Variants in GRK5 observed in about 807,000 individuals in gnomAD.
The protein encoded by GRK5 is G protein-coupled receptor kinase 5.
A neutral mutation model predicts 78.4 loss-of-function variants in GRK5; 40 were observed. The ratio of observed to expected loss-of-function variants is 0.51; its 90% CI spans 0.40 to 0.66. GRK5 has a LOEUF of 0.66. Among genes scored for constraint, GRK5 ranks in the 30% least tolerant of loss-of-function variants. The pLI, the probability that GRK5 is intolerant of heterozygous loss-of-function variation, is 0.00. For synonymous variants in GRK5, 289 were observed against 296.8 expected (o/e 0.97, Z 0.27); for missense variants, 598 against 759.9 (o/e 0.79, Z 2.50).
intron 1 of GRK5, among the ~76,000 whole-genome samples, chr10:119,291,837 A>G (rs528330088): frequency 9.8e-6 from 1 of 102,320 alleles, no homozygotes; most frequent in South Asian, 3.2e-4. Context: ...TCTCCTCTTT[A>G]TCCTCATTCT....
Position 119,452,839 on chromosome 10 carries a change from G to C in GRK5, c.1542+31G>C, listed in dbSNP as rs1199598164. On this transcript the variant is annotated intron_variant, in intron 14 of 15. Transcript: ENST00000392870. The surrounding 1 kb of genome is among the most constrained non-coding windows in gnomAD (Gnocchi z 4.4). ...CAGGGCAGACCACTTGCTTTGGTCT[G>C]GGTGGGAGGGAGGGACTGACGGGTG... 1.2e-6 allele frequency: 2 copies of C among 1,601,226 alleles called. No homozygotes were observed. The highest frequency in any genetic ancestry group is 2.7e-5 in the African/African-American group (2 of 74,738).
chr10:119,343,860 G>C (rs1167890271), intron 2 of GRK5, among the ~76,000 whole-genome samples: 3 of 152,146 alleles, frequency 2.0e-5, no homozygotes, highest in Admixed American at 6.5e-5. Flanking sequence ...GGGCTTCCAG[G>C]CTATATGAGA....
At chr10:119,250,428 C>CT (rs1849180832) in intron 1 of GRK5, among the ~76,000 whole-genome samples, 1 of 152,140 alleles carries the variant, frequency 6.6e-6, no homozygotes, top group East Asian at 1.9e-4. Context: ...GGGTCTCGCT[C>CT]TGTCACCCAG....
chr10:119,230,663 C>A (rs1236893261), intron 1 of GRK5, among the ~76,000 whole-genome samples: 2 of 151,704 alleles, frequency 1.3e-5, no homozygotes, highest in African/African-American at 4.8e-5. Flanking sequence ...AACCGTATCA[C>A]CCCATCTCTA....
chr10:119,286,906 G>T (rs927594563), intron 1 of GRK5, among the ~76,000 whole-genome samples: 2 of 152,214 alleles, frequency 1.3e-5, no homozygotes, highest in Non-Finnish European at 2.9e-5. Context: ...GATGGCATTG[G>T]TGATGACTCT....
chr10:119,386,496 G>A (rs757356556), intron 3 of GRK5, among the ~76,000 whole-genome samples: 6 of 152,120 alleles, frequency 3.9e-5, no homozygotes, highest in Non-Finnish European at 7.3e-5. Flanking sequence ...CATTCTGGTC[G>A]TGCCATCGTT....
intron 3 of GRK5, among the ~76,000 whole-genome samples, chr10:119,383,527 A>T (rs1851747056): frequency 6.6e-6 from 1 of 152,254 alleles, no homozygotes; most frequent in Admixed American, 6.5e-5. Flanking sequence ...GGTAAAGTTC[A>T]TAGAGGAAAT....
At chr10:119,386,645 C>T (rs1589778545) in intron 3 of GRK5, among the ~76,000 whole-genome samples, 3 of 152,332 alleles carry the variant, frequency 2.0e-5, no homozygotes, top group South Asian at 4.1e-4. Flanking sequence ...CTCCCTTCTG[C>T]GTTTTCATCT....
At chr10:119,360,690 C>T (rs1851348736) in intron 2 of GRK5, among the ~76,000 whole-genome samples, 1 of 152,214 alleles carries the variant, frequency 6.6e-6, no homozygotes, top group Admixed American at 6.5e-5. Flanking sequence ...CTCGCAGCTC[C>T]ATGGTCAAGT....
At chr10:119,244,894 G>T (rs77729244) in intron 1 of GRK5, among the ~76,000 whole-genome samples, 7,669 of 152,268 alleles carry the variant, frequency 0.05, 681 homozygotes, top group African/African-American at 0.18. Flanking sequence ...AGCATAGTCA[G>T]CTACTATGGA....
At chr10:119,338,570 T>C (rs1187353925) in intron 2 of GRK5, among the ~76,000 whole-genome samples, 4 of 152,200 alleles carry the variant, frequency 2.6e-5, no homozygotes, top group African/African-American at 9.7e-5. Context: ...ATTTTTCCAT[T>C]TGATGCATAT....
rs1019058364 is a variant in GRK5, at chr10:119,336,794, C to T, written c.148+10183C>T. On this transcript the variant is annotated intron_variant, in intron 2 of 15. Transcript: ENST00000392870. The surrounding 1 kb of genome is among the most constrained non-coding windows in gnomAD (Gnocchi z 4.5). ...GCCACCTAGCCGTGCTGTGATAAGG[C>T]ACAGCATCTGCTTGTCCTTGGAGGG... 6.6e-6 allele frequency among the ~76,000 whole-genome samples: 1 copy of T among 152,188 alleles called. No homozygotes were observed. Among genetic ancestry groups the T allele is most frequent in the African/African-American group, 2.4e-5 (1 of 41,448 alleles).
Position 119,378,403 on chromosome 10 carries a change from C to G in GRK5, c.149-2412C>G, listed in dbSNP as rs1057369522. ...GGACTTGGCAGGTTGCTCATCCATG[C>G]TGATCCAAATACTCACTCGGGAGAG... On this transcript the variant is annotated intron_variant, in intron 2 of 15. Coordinates refer to ENST00000392870, the MANE Select transcript of GRK5 (RefSeq NM_005308.3). The surrounding 1 kb of genome is among the most constrained non-coding windows in gnomAD (Gnocchi z 4.5). Among the ~76,000 whole-genome samples the G allele has an allele frequency of 6.6e-6, 1 of 152,208 alleles. No individual in the cohort carries two copies. Among genetic ancestry groups the G allele is most frequent in the Non-Finnish European group, 1.5e-5 (1 of 68,034 alleles).
At chr10:119,285,006 T>C (rs1471539659) in intron 1 of GRK5, among the ~76,000 whole-genome samples, 1 of 152,164 alleles carries the variant, frequency 6.6e-6, no homozygotes, top group Non-Finnish European at 1.5e-5. Context: ...GTTGCAACAC[T>C]CCCGGAGCCC....
chr10:119,249,286 G>A (rs200410278), intron 1 of GRK5, among the ~76,000 whole-genome samples: 28 of 150,564 alleles, frequency 1.9e-4, no homozygotes, highest in Admixed American at 4.7e-4. Context: ...AACAAAAAAC[G>A]AAAAACAAAA....
At position 119,238,485 on chromosome 10, in the gene GRK5, G is replaced by A. The variant is rs1228569450; in HGVS notation, c.52+30516G>A. On this transcript the variant is annotated intron_variant, in intron 1 of 15. Transcript: ENST00000392870. This position sits in a 1 kb window ranked among gnomAD's most constrained non-coding sequence, Gnocchi z 4.7. The stretch of plus-strand genomic sequence containing the variant: ...TACACACCCCACCCCTCAACCGCCT[G>A]AGAAATTTCTGGAACTGCGTTTAGT... 6.6e-6 allele frequency among the ~76,000 whole-genome samples: 1 copy of A among 152,054 alleles called. No homozygotes were observed. The highest frequency in any genetic ancestry group is 1.5e-5 in the Non-Finnish European group (1 of 68,026).
At chr10:119,347,841 G>A (rs556951554) in intron 2 of GRK5, among the ~76,000 whole-genome samples, 1 of 152,364 alleles carries the variant, frequency 6.6e-6, no homozygotes, top group South Asian at 2.1e-4. Flanking sequence ...TCCCTGGGGG[G>A]CAGGGACAGC....
intron 1 of GRK5, among the ~76,000 whole-genome samples, chr10:119,252,573 G>A (rs1430823994): frequency 6.6e-6 from 1 of 152,168 alleles, no homozygotes; most frequent in Admixed American, 6.5e-5. Flanking sequence ...GCACGATCTT[G>A]TGCAAATAGT....
At chr10:119,374,042 C>T (rs564349408) in intron 2 of GRK5, among the ~76,000 whole-genome samples, 4 of 152,038 alleles carry the variant, frequency 2.6e-5, no homozygotes, top group Admixed American at 2.0e-4. Flanking sequence ...GGGTGAGATG[C>T]GAGATCAGGA....
Sources: allele counts gnomAD v4.1 joint callset (sites outside exome capture counted in the v4.1 genomes callset), GRCh38; gene constraint gnomAD v4.1.1; non-coding constraint Gnocchi (gnomAD v3.1); transcripts MANE v1.5; gene names NCBI Gene and HGNC (gene_info 2026-07-23, HGNC 2026-07-21).